Variants in NRXN3 observed in about 807,000 individuals in gnomAD.
NRXN3 encodes neurexin 3, also known as neurexin III.
NRXN3 carries 32 observed loss-of-function variants against 137.6 expected under a neutral mutation model. That is an observed-to-expected ratio of 0.23 (90% confidence interval 0.18 to 0.31). The LOEUF (loss-of-function observed/expected upper bound fraction) is 0.31. Ranked by LOEUF, NRXN3 falls within the 10% of genes least tolerant of loss-of-function variation. The pLI, the probability that NRXN3 is intolerant of heterozygous loss-of-function variation, is 1.00. For missense variants in NRXN3, 1,574 were observed against 2,062.5 expected, an observed-to-expected ratio of 0.76 and a Z score of 4.59; for synonymous variants, 798 against 784.5, an observed-to-expected ratio of 1.02 and a Z score of -0.29.
At chr14:79,294,234 G>C (rs2083661439) in intron 15 of NRXN3, among the ~76,000 whole-genome samples, 1 of 152,124 alleles carries the variant, frequency 6.6e-6, no homozygotes, top group Non-Finnish European at 1.5e-5. Flanking sequence ...AGGTGTTCTT[G>C]TTCTGTATTT....
At chr14:79,258,075 G>T (rs1485875327) in intron 15 of NRXN3, among the ~76,000 whole-genome samples, 1 of 152,068 alleles carries the variant, frequency 6.6e-6, no homozygotes, top group East Asian at 1.9e-4. Context: ...GAAGTGGTAG[G>T]GTCAAGACTG....
At chr14:78,944,769 C>A (rs553722463) in intron 10 of NRXN3, among the ~76,000 whole-genome samples, 1 of 152,134 alleles carries the variant, frequency 6.6e-6, no homozygotes, top group African/African-American at 2.4e-5. Flanking sequence ...AACATATTTT[C>A]GTTGAAAGCT....
At chr14:79,316,081 C>G (rs1465845746) in intron 15 of NRXN3, among the ~76,000 whole-genome samples, 4 of 152,144 alleles carry the variant, frequency 2.6e-5, no homozygotes. Context: ...CTGGGACTCC[C>G]GAATCGCGAG....
intron 4 of NRXN3, chr14:78,300,841 C>G: frequency 1.6e-6 from 1 of 635,626 alleles, no homozygotes. Context: ...AAATAAAAAG[C>G]CAATGCTATC....
At chr14:78,726,515 C>CTTTTTTTT (rs71452901) in intron 8 of NRXN3, among the ~76,000 whole-genome samples, 5 of 102,476 alleles carry the variant, frequency 4.9e-5, no homozygotes, top group Admixed American at 1.3e-4. Context: ...ACCATTTTAG[C>CTTTTTTTT]TTTTTTTTTT....
intron 19 of NRXN3, among the ~76,000 whole-genome samples, chr14:79,746,769 CT>C (rs745527336): frequency 2.2e-4 from 33 of 152,036 alleles, no homozygotes; most frequent in Non-Finnish European, 3.8e-4. Context: ...TACTCCTTTA[CT>C]TTGTGGTCAT....
chr14:78,994,553 G>T (rs192603676), intron 15 of NRXN3, among the ~76,000 whole-genome samples: 8 of 152,098 alleles, frequency 5.3e-5, no homozygotes, highest in Admixed American at 2.6e-4. Flanking sequence ...GGTGGAGATC[G>T]ATCTTGAAAA....
intron 17 of NRXN3, among the ~76,000 whole-genome samples, chr14:79,672,937 T>C (rs2098618064): frequency 6.6e-6 from 1 of 152,100 alleles, no homozygotes; most frequent in South Asian, 2.1e-4. Context: ...AGAAAGGTGG[T>C]ACATAAATAT....
At position 78,878,747 on chromosome 14, in the gene NRXN3, C is replaced by T. The variant is rs976760495; in HGVS notation, c.2275+68403C>T. ...CTTTGCAATTTTCAAGTATAAAATA[C>T]ATTGTTATTAACTGTAGTCATTATA... On this transcript the variant is annotated intron_variant, in intron 10 of 20. Coordinates refer to ENST00000335750, the MANE Select transcript of NRXN3 (RefSeq NM_001330195.2). 2.0e-5 allele frequency among the ~76,000 whole-genome samples: 3 copies of T among 152,154 alleles called. No individual in the cohort carries two copies. In the East Asian group the frequency reaches 5.8e-4, roughly 29 times the overall value.
intron 3 of NRXN3, chr14:78,282,232 G>C: frequency 4.4e-6 from 2 of 457,588 alleles, no homozygotes; most frequent in South Asian, 3.1e-5. Flanking sequence ...GGGCATCTCT[G>C]CCCTGCCTTT....
intron 4 of NRXN3, among the ~76,000 whole-genome samples, chr14:78,640,455 C>G (rs917815365): frequency 1.3e-5 from 2 of 152,140 alleles, no homozygotes; most frequent in African/African-American, 4.8e-5. Context: ...CCTAATTAAA[C>G]AGTTGCATGC....
chr14:78,225,507 G>A (rs1468617608), intron 1 of NRXN3, among the ~76,000 whole-genome samples: 1 of 151,980 alleles, frequency 6.6e-6, no homozygotes. Context: ...TTAGCCCTTT[G>A]TCAGATGAGT....
chr14:78,940,344 A>T (rs533341612), intron 10 of NRXN3, among the ~76,000 whole-genome samples: 1 of 152,220 alleles, frequency 6.6e-6, no homozygotes, highest in African/African-American at 2.4e-5. Flanking sequence ...CCAAATGTGC[A>T]TGTATATATG....
chr14:78,496,252 A>T (rs758307670), intron 4 of NRXN3, among the ~76,000 whole-genome samples: 1 of 152,210 alleles, frequency 6.6e-6, no homozygotes, highest in African/African-American at 2.4e-5. Context: ...TCATCAGATC[A>T]TAGTTGACAT....
intron 4 of NRXN3, among the ~76,000 whole-genome samples, chr14:78,414,584 C>G (rs1219231516): frequency 6.6e-6 from 1 of 152,180 alleles, no homozygotes; most frequent in Non-Finnish European, 1.5e-5. Context: ...CACCAATGCC[C>G]TTTATTAAGT....
At chr14:79,227,142 T>A (rs954999143) in intron 15 of NRXN3, among the ~76,000 whole-genome samples, 27 of 145,394 alleles carry the variant, frequency 1.9e-4, no homozygotes, top group African/African-American at 3.3e-4. Context: ...AATGAAAAAA[T>A]ATATATATAT....
intron 16 of NRXN3, among the ~76,000 whole-genome samples, chr14:79,562,026 C>G (rs2097502668): frequency 1.3e-5 from 2 of 152,036 alleles, no homozygotes; most frequent in South Asian, 4.1e-4. Context: ...TAAAAGTAGT[C>G]TAAGTGAGTC....
intron 15 of NRXN3, among the ~76,000 whole-genome samples, chr14:79,351,633 T>C (rs2093211824): frequency 6.6e-6 from 1 of 152,162 alleles, no homozygotes. Flanking sequence ...TATACACAAG[T>C]AGCAAAATGT....
intron 6 of NRXN3, among the ~76,000 whole-genome samples, chr14:78,687,930 G>A (rs150305723): frequency 1.5e-3 from 230 of 152,282 alleles, no homozygotes; most frequent in African/African-American, 5.4e-3. Context: ...TGACTCTATA[G>A]TATCTTCCTG....
Sources: allele counts gnomAD v4.1 joint callset (sites outside exome capture counted in the v4.1 genomes callset), GRCh38; gene constraint gnomAD v4.1.1; transcripts MANE v1.5; gene names NCBI Gene and HGNC (gene_info 2026-07-23, HGNC 2026-07-21).